The following SH3KBP1 variants were observed in gnomAD, a reference collection of about 807,000 sequenced individuals.
The protein encoded by SH3KBP1 is SH3 domain-containing kinase-binding protein 1.
In SH3KBP1, 8 loss-of-function variants were observed where a neutral mutation model predicts 50.1. The observed-to-expected ratio is 0.16, with a 90% CI of 0.09 to 0.29. SH3KBP1 has a LOEUF of 0.29. SH3KBP1 is among the 10% of genes least tolerant of loss of function. SH3KBP1 has a pLI of 1.00. For missense variants in SH3KBP1, 377 were observed against 535.2 expected (o/e 0.70, Z 2.92); for synonymous variants, 227 against 218.6 (o/e 1.04, Z -0.34).
At chrX:19,725,427 C>T (rs745627204) in intron 3 of SH3KBP1, among the ~76,000 whole-genome samples, 1 of 110,818 alleles carries the variant, frequency 9.0e-6, no homozygotes, top group Non-Finnish European at 1.9e-5. Context: ...GCCATGATTC[C>T]GCTACTGCAC....
intron 3 of SH3KBP1, among the ~76,000 whole-genome samples, chrX:19,737,655 C>T (rs906733611): frequency 1.8e-5 from 2 of 111,698 alleles, no homozygotes; most frequent in Non-Finnish European, 3.8e-5. Context: ...CCTCTGGAAT[C>T]GCAGGTTCCA....
intron 5 of SH3KBP1, among the ~76,000 whole-genome samples, chrX:19,689,335 G>A (rs774050445): frequency 8.9e-6 from 1 of 111,946 alleles, no homozygotes; most frequent in East Asian, 2.8e-4. Flanking sequence ...TGTGAGCTAG[G>A]CCCTCCAAAA....
chrX:19,545,828 C>G, intron 15 of SH3KBP1, 94 bp downstream of exon 15: 2 of 990,561 alleles, frequency 2.0e-6, no homozygotes, highest in Non-Finnish European at 2.8e-6. Flanking sequence ...ATGACAAACA[C>G]CTGCACTGTT....
chrX:19,728,356 T>C (rs1725590981), intron 3 of SH3KBP1, among the ~76,000 whole-genome samples: 1 of 111,970 alleles, frequency 8.9e-6, no homozygotes, highest in South Asian at 3.7e-4. Flanking sequence ...TAAACCTGTA[T>C]TCTGAAGCAT....
At chrX:19,846,900 A>C (rs1317428600) in intron 1 of SH3KBP1, among the ~76,000 whole-genome samples, 2 of 111,755 alleles carry the variant, frequency 1.8e-5, no homozygotes, top group African/African-American at 6.5e-5. Flanking sequence ...TCTTGAGGAT[A>C]GGATAGTAAG....
chrX:19,640,080 G>C (rs1210002514), intron 7 of SH3KBP1, among the ~76,000 whole-genome samples: 2 of 110,578 alleles, frequency 1.8e-5, no homozygotes, highest in Non-Finnish European at 3.8e-5. Context: ...ATATGCAGTA[G>C]TTGCAAAGTG....
chrX:19,737,118 C>T (rs906674768), intron 3 of SH3KBP1, among the ~76,000 whole-genome samples: 2 of 110,242 alleles, frequency 1.8e-5, no homozygotes, highest in African/African-American at 6.6e-5. Context: ...CACCATGTTG[C>T]CCCGGCTGGT....
chrX:19,849,683 G>GAAAAAAAAAAAAA (rs61338118), intron 1 of SH3KBP1, among the ~76,000 whole-genome samples: 1 of 48,847 alleles, frequency 2.0e-5, no homozygotes, highest in Non-Finnish European at 3.9e-5. Flanking sequence ...GTAGCAGAGT[G>GAAAAAAAAAAAAA]AAAAAAAAAA....
At chrX:19,634,140 C>A (rs764464890) in intron 7 of SH3KBP1, among the ~76,000 whole-genome samples, 1 of 99,954 alleles carries the variant, frequency 1.0e-5, no homozygotes, top group African/African-American at 3.7e-5. Flanking sequence ...CCGAGAGACA[C>A]AGAGAGACAC....
At chrX:19,768,271 T>C (rs776076668) in intron 2 of SH3KBP1, among the ~76,000 whole-genome samples, 5 of 107,433 alleles carry the variant, frequency 4.7e-5, no homozygotes, top group African/African-American at 6.8e-5. Flanking sequence ...AGGTTAAATA[T>C]GGAAAGGGCG....
At chrX:19,599,609 T>C (rs1486726622) in intron 9 of SH3KBP1, among the ~76,000 whole-genome samples, 1 of 112,297 alleles carries the variant, frequency 8.9e-6, no homozygotes, top group Non-Finnish European at 1.9e-5. Context: ...CTGCTTTGCT[T>C]ACTAGCAGAG....
At chrX:19,770,267 C>G (rs1461841772) in intron 2 of SH3KBP1, among the ~76,000 whole-genome samples, 1 of 111,566 alleles carries the variant, frequency 9.0e-6, no homozygotes, top group African/African-American at 3.3e-5. Context: ...CCTTTAGCTC[C>G]CACTTATAAG....
chrX:19,698,178 T>C (rs2063465056), intron 4 of SH3KBP1, among the ~76,000 whole-genome samples: 1 of 111,334 alleles, frequency 9.0e-6, no homozygotes, highest in African/African-American at 3.3e-5. Flanking sequence ...AACCAGAAAA[T>C]GTCCTTCTCT....
At chrX:19,760,033 T>TCTCTCTCC (rs1377656492) in intron 2 of SH3KBP1, among the ~76,000 whole-genome samples, 14 of 64,802 alleles carry the variant, frequency 2.2e-4, no homozygotes, top group Non-Finnish European at 3.3e-4. Flanking sequence ...CCTCTCTCTC[T>TCTCTCTCC]CTCTCTCCCT....
intron 3 of SH3KBP1, among the ~76,000 whole-genome samples, chrX:19,731,574 A>G (rs185586031): frequency 7.2e-4 from 81 of 112,133 alleles, no homozygotes; most frequent in African/African-American, 2.5e-3. Context: ...CAGATGTTTA[A>G]TAAGTCTCCT....
At chrX:19,731,691 T>C (rs780266911) in intron 3 of SH3KBP1, among the ~76,000 whole-genome samples, 16 of 112,231 alleles carry the variant, frequency 1.4e-4, no homozygotes, top group South Asian at 3.7e-4. Context: ...CTCTGGTAGT[T>C]TGCCTTGAAG....
intron 12 of SH3KBP1, among the ~76,000 whole-genome samples, chrX:19,572,390 T>C (rs992219286): frequency 2.1e-5 from 2 of 96,766 alleles, no homozygotes; most frequent in Non-Finnish European, 4.0e-5. Context: ...ATATAGTACA[T>C]ACATATGTTA....
intron 1 of SH3KBP1, 117 bp downstream of exon 1, chrX:19,887,190 G>T: frequency 3.3e-6 from 2 of 607,316 alleles, no homozygotes; most frequent in Non-Finnish European, 4.4e-6. Context: ...CGCCCACCGC[G>T]GTGTCCCCCG....
chrX:19,860,109 T>C (rs983491188), intron 1 of SH3KBP1, among the ~76,000 whole-genome samples: 1 of 109,220 alleles, frequency 9.2e-6, no homozygotes, highest in African/African-American at 3.3e-5. Context: ...ATTCCCAGCC[T>C]TAAAAAGGAA....
Sources: gnomAD v4.1 joint callset for allele counts (sites outside exome capture counted in the v4.1 genomes callset) on GRCh38, gnomAD v4.1.1 for gene constraint, MANE v1.5 for transcripts, NCBI Gene and HGNC (gene_info 2026-07-23, HGNC 2026-07-21) for gene names.